ZNF404: variants seen among roughly 807,000 people sequenced by gnomAD.
The protein encoded by ZNF404 is zinc finger protein 404.
ZNF404 carries 7 observed loss-of-function variants against 7.3 expected under a neutral mutation model. The ratio of observed to expected loss-of-function variants is 0.95; its 90% CI spans 0.54 to 1.79. The LOEUF (loss-of-function observed/expected upper bound fraction) is 1.79, where lower values mean the gene tolerates loss of function less well. ZNF404 is among the 40% of genes most tolerant of loss of function. The probability of loss-of-function intolerance (pLI) is 0.00; values close to 1 mark genes in which losing one functional copy is unlikely to be tolerated. For missense variants in ZNF404, 560 were observed against 661.5 expected, an observed-to-expected ratio of 0.85 and a Z score of 1.68; for synonymous variants, 191 against 209.9, an observed-to-expected ratio of 0.91 and a Z score of 0.78.
In ZNF404 at chr19:43,877,744, C is replaced by A. The variant is rs1347909560; in HGVS notation, c.136+2266G>T. Among the ~76,000 whole-genome samples the A allele has an allele frequency of 8.4e-5, 10 of 118,684 alleles. No homozygotes were observed. In the East Asian group the frequency reaches 2.8e-3, roughly 33 times the overall value. 77.9% of individuals were successfully genotyped at this position (118,684 alleles called of 152,430 possible). A position where few individuals can be genotyped will look rare whatever the true frequency, so the allele number is the denominator to read the frequency against. On this transcript the variant is annotated intron_variant, in intron 2 of 2. Transcript: ENST00000587539. ...GCTATCCCTCCCCCCTCCCCCCACC[C>A]CACAACAGTCCCCAGAGTGTGATGT...
rs1244265171 is a variant in ZNF404 at position 43,872,883 on chromosome 19, C to T, written c.1331G>A (p.Cys444Tyr). 1 of 1,607,068 alleles carries T rather than the reference C, an allele frequency of 6.2e-7. No individual in the cohort carries two copies. Reference sequence around the variant, plus strand: ...AGAATTAAGTCTAAAGGTTTTTCCACATTCCTTACATTCATAGGGTTTCTC... The same window carrying T: ...AGAATTAAGTCTAAAGGTTTTTCCATATTCCTTACATTCATAGGGTTTCTC... The part of the protein sequence containing the change: ...AGEKPYECKE[C>Y]GKTFRLNSQL... The change falls in exon 3 of 3, where the codon TGT becomes TAT. Residue 444 changes from cysteine (C) to tyrosine (Y), a missense_variant. Cys to Tyr is a radical substitution (Grantham distance 194, BLOSUM62 -2). Coordinates refer to ENST00000587539, the MANE Select transcript of ZNF404 (RefSeq NM_001033719.3). This position sits in a 1 kb window ranked among gnomAD's most constrained non-coding sequence, Gnocchi z 4.4.
intron 2 of ZNF404, among the ~76,000 whole-genome samples, chr19:43,875,161 C>T (rs927294801): frequency 6.6e-6 from 1 of 152,174 alleles, no homozygotes; most frequent in Non-Finnish European, 1.5e-5. Context: ...CTGCAATAAC[C>T]TGTCCCCTTA....
chr19:43,877,222 A>T (rs1971855507), intron 2 of ZNF404, among the ~76,000 whole-genome samples: 1 of 152,230 alleles, frequency 6.6e-6, no homozygotes, highest in African/African-American at 2.4e-5. Context: ...ATGAAAGTAA[A>T]ACAATAACAA....
intron 1 of ZNF404, among the ~76,000 whole-genome samples, chr19:43,882,731 C>T (rs369226634): frequency 1.9e-4 from 28 of 149,384 alleles, no homozygotes; most frequent in Admixed American, 1.1e-3. Flanking sequence ...TTTGAGGCTG[C>T]GGTAAACCTT....
intron 2 of ZNF404, among the ~76,000 whole-genome samples, chr19:43,874,843 TC>T (rs1236109190): frequency 6.6e-6 from 1 of 152,200 alleles, no homozygotes; most frequent in East Asian, 1.9e-4. Context: ...TAGGTGCAAA[TC>T]TTCTTTCAAC....
In ZNF404 at chr19:43,873,905, T is replaced by C. The variant is rs747732800; in HGVS notation, c.309A>G (p.Lys103=). ...ATATCATTTGACTAAAACATCCCAC[T>C]TTAGGTCTCTGTTGTCTCCCAAATT... ...TIEFGRQQRP[K]VGCFSQMIFK... is the part of the protein sequence containing the mutation. The change falls in exon 3 of 3, where the codon AAA becomes AAG. Residue 103 remains lysine (K), a synonymous_variant. Coordinates refer to ENST00000587539, the MANE Select transcript of ZNF404 (RefSeq NM_001033719.3). 5.6e-6 allele frequency: 9 copies of C among 1,613,224 alleles called. No individual in the cohort carries two copies. The South Asian group carries it at 8.8e-5, about 16-fold the overall frequency.
intron 1 of ZNF404, among the ~76,000 whole-genome samples, 179 bp downstream of exon 1, chr19:43,883,777 A>G (rs2146623347): frequency 6.6e-6 from 1 of 152,338 alleles, no homozygotes; most frequent in East Asian, 1.9e-4. Context: ...AGTGAAAATC[A>G]GTTCAAAAAA....
chr19:43,873,461 C>T lies in ZNF404; in HGVS notation c.753G>A (p.Thr251=), dbSNP rs144201116. Reference sequence around the variant, plus strand: ...GACACATATGTCGATATAATCTAAACGTTTCCCCACATTCCTTACATTCAA... The same window carrying T: ...GACACATATGTCGATATAATCTAAATGTTTCCCCACATTCCTTACATTCAA... The part of the protein sequence containing the change: ...KPFECKECGE[T]FRLYRHMCLH... The change falls in exon 3 of 3, where the codon ACG becomes ACA. Residue 251 remains threonine (T), a synonymous_variant. Coordinates refer to ENST00000587539, the MANE Select transcript of ZNF404 (RefSeq NM_001033719.3). 3.7e-3 allele frequency: 5,942 copies of T among 1,613,458 alleles called. 22 individuals carry two copies. Among genetic ancestry groups the T allele is most frequent in the Non-Finnish European group, 4.3e-3 (5,047 of 1,179,646 alleles).
chr19:43,880,140 A>C lies in ZNF404; in HGVS notation c.10-4T>G, dbSNP rs16976863. 0.013 allele frequency: 20,812 copies of C among 1,607,940 alleles called. 2,241 individuals are homozygous for C. In the African/African-American group the frequency reaches 0.24, roughly 19 times the overall value. On this transcript the variant is annotated splice_polypyrimidine_tract_variant and splice_region_variant and intron_variant, in intron 1 of 2. Coordinates refer to ENST00000587539, the MANE Select transcript of ZNF404 (RefSeq NM_001033719.3). Reference sequence around the variant, plus strand: ...CATCGCTGAATGTCAATGGCACCTGAAATGACAAACCTGTGTATTATTTGT... The same window carrying C: ...CATCGCTGAATGTCAATGGCACCTGCAATGACAAACCTGTGTATTATTTGT...
chr19:43,873,798 C>A lies in ZNF404; in HGVS notation c.416G>T (p.Gly139Val), dbSNP rs768154434. The A allele has an allele frequency of 1.9e-6, 3 of 1,588,688 alleles. No homozygotes were observed. The highest frequency in any genetic ancestry group is 1.1e-5 in the South Asian group (1 of 91,046). Residue 139 changes from glycine to valine, a missense_variant, in exon 3 of 3, where the codon GGC becomes GTC. Transcript: ENST00000587539. ...KSYECKEYKK[G>V]FRKYLHLTEH... ...AGTAAGGTGCAAATATTTTCTAAAG[C>A]CCTTCTTATATTCCTTACACTCATA...
chr19:43,877,630 T>C (rs1485802451), intron 2 of ZNF404, among the ~76,000 whole-genome samples: 2 of 151,416 alleles, frequency 1.3e-5, no homozygotes, highest in African/African-American at 4.8e-5. Flanking sequence ...ATGTGCACAT[T>C]GTGCAGGTTA....
intron 1 of ZNF404, 58 bp downstream of exon 1, chr19:43,883,898 T>C: frequency 6.3e-7 from 1 of 1,579,960 alleles, no homozygotes; most frequent in South Asian, 1.1e-5. Context: ...AAAATGAAAA[T>C]ATTACATGAA....
chr19:43,877,500 C>T (rs1272268490), intron 2 of ZNF404, among the ~76,000 whole-genome samples: 2 of 152,074 alleles, frequency 1.3e-5, no homozygotes, highest in African/African-American at 4.8e-5. Context: ...TTAAAGATAA[C>T]AGAAAATAAC....
Position 43,873,395 on chromosome 19 carries a change from A to G in ZNF404, c.819T>C (p.Cys273=). The change falls in exon 3 of 3, where the codon TGT becomes TGC. Residue 273 remains cysteine, a synonymous_variant. Transcript: ENST00000587539. ...GACCAAAAGCCTTTCCACATTCTTT[A>G]CATTTGTAGGGTTTCACACCATGAT... The part of the protein sequence containing the change: ...KIHHGVKPYK[C]KECGKAFGHR... 1 of 1,613,488 alleles carries G rather than the reference A, an allele frequency of 6.2e-7. No homozygotes were observed. The highest frequency in any genetic ancestry group is 8.5e-7 in the Non-Finnish European group (1 of 1,179,650).
chr19:43,873,387 C>T lies in ZNF404; in HGVS notation c.827G>A (p.Cys276Tyr). The T allele has an allele frequency of 1.2e-6, 2 of 1,613,398 alleles. No homozygotes were observed. Among genetic ancestry groups the T allele is most frequent in the Non-Finnish European group, 1.7e-6 (2 of 1,179,604 alleles). The change falls in exon 3 of 3, where the codon TGT becomes TAT. Residue 276 changes from cysteine (C) to tyrosine (Y), a missense_variant. Transcript: ENST00000587539. ...HGVKPYKCKECGKAFGHRSSL... is the reference protein window; with the variant it reads ...HGVKPYKCKEYGKAFGHRSSL... Reference sequence around the variant, plus strand: ...TGAACGATGACCAAAAGCCTTTCCACATTCTTTACATTTGTAGGGTTTCAC... The same window carrying T: ...TGAACGATGACCAAAAGCCTTTCCATATTCTTTACATTTGTAGGGTTTCAC...
chr19:43,873,867 TTA>T lies in ZNF404; in HGVS notation c.345_346del (p.His115GlnfsTer7), dbSNP rs1176597730. The stretch of plus-strand genomic sequence containing the variant: ...ATTTCTCTTATGTAGAGGAAGGGAT[TTA>T]TGTTTTTTGAATATCATTTGACTAA... On this transcript the variant is annotated frameshift_variant, in exon 3 of 3. Transcript: ENST00000587539. LOFTEE classifies it low-confidence loss of function (END_TRUNC). 1 of 1,612,884 alleles carries T rather than the reference TTA, an allele frequency of 6.2e-7. No homozygotes were observed. The highest frequency in any genetic ancestry group is 8.5e-7 in the Non-Finnish European group (1 of 1,179,474).
At position 43,873,389 on chromosome 19, in the gene ZNF404, T is replaced by C; in HGVS notation, c.825A>G (p.Glu275=). 4 of 1,613,430 alleles carry C rather than the reference T, an allele frequency of 2.5e-6. No homozygotes were observed. Among genetic ancestry groups the C allele is most frequent in the Non-Finnish European group, 3.4e-6 (4 of 1,179,598 alleles). Reference sequence around the variant, plus strand: ...AACGATGACCAAAAGCCTTTCCACATTCTTTACATTTGTAGGGTTTCACAC... The same window carrying C: ...AACGATGACCAAAAGCCTTTCCACACTCTTTACATTTGTAGGGTTTCACAC... The part of the protein sequence containing the change: ...HHGVKPYKCK[E]CGKAFGHRSS... The change falls in exon 3 of 3, where the codon GAA becomes GAG. Residue 275 remains glutamate (E), a synonymous_variant. Transcript: ENST00000587539.
rs777391021 is a variant in ZNF404 at position 43,872,817 on chromosome 19, G to C, written c.1397C>G (p.Pro466Arg). The C allele has an allele frequency of 6.2e-7, 1 of 1,610,262 alleles. No homozygotes were observed. Among genetic ancestry groups the C allele is most frequent in the East Asian group, 2.2e-5 (1 of 44,842 alleles). ...YHQTIHTGLK[P>R]YVCKECKKAF... is the part of the protein sequence containing the mutation. The stretch of plus-strand genomic sequence containing the variant: ...CTTCTTACATTCTTTACATACATAG[G>C]GTTTCAAACCAGTATGAATTGTCTG... Residue 466 changes from proline (P) to arginine (R), a missense_variant, in exon 3 of 3, where the codon CCC (proline) becomes CGC (arginine). Transcript: ENST00000587539. This position sits in a 1 kb window ranked among gnomAD's most constrained non-coding sequence, Gnocchi z 4.4.
At chr19:43,875,056 T>A (rs1251516449) in intron 2 of ZNF404, among the ~76,000 whole-genome samples, 1 of 152,188 alleles carries the variant, frequency 6.6e-6, no homozygotes, top group Non-Finnish European at 1.5e-5. Context: ...TCCTTATTAA[T>A]CTTTTACCTC....
Sources: gnomAD v4.1 joint callset for allele counts (sites outside exome capture counted in the v4.1 genomes callset) on GRCh38, gnomAD v4.1.1 for gene constraint, Gnocchi (gnomAD v3.1) non-coding constraint, MANE v1.5 for transcripts, NCBI Gene and HGNC (gene_info 2026-07-23, HGNC 2026-07-21) for gene names.